Variants in RRAS2 observed in about 807,000 individuals in gnomAD.
The protein encoded by RRAS2 is RAS related 2, also known as ras-related protein R-Ras2.
In RRAS2, 7 loss-of-function variants were observed where a neutral mutation model predicts 27.6. The ratio of observed to expected loss-of-function variants is 0.25; its 90% confidence interval spans 0.14 to 0.48. RRAS2 has a LOEUF of 0.48. RRAS2 is among the 20% of genes least tolerant of loss of function. The pLI is 0.99. For missense variants in RRAS2, 178 were observed against 256.2 expected (o/e 0.69, Z 2.08); for synonymous variants, 86 against 90.9 (o/e 0.95, Z 0.31).
intron 4 of RRAS2, among the ~76,000 whole-genome samples, chr11:14,290,399 A>C (rs902808186): frequency 4.6e-5 from 7 of 152,200 alleles, no homozygotes; most frequent in African/African-American, 1.7e-4. Context: ...CAGTGAGCGG[A>C]GATCGTGCCA....
intron 1 of RRAS2, among the ~76,000 whole-genome samples, chr11:14,298,909 A>G (rs1379283744): frequency 6.6e-6 from 1 of 152,182 alleles, no homozygotes; most frequent in African/African-American, 2.4e-5. Flanking sequence ...TTTTTGTTAA[A>G]CTTGGGTACC....
At chr11:14,309,329 T>C (rs2133981117) in intron 1 of RRAS2, among the ~76,000 whole-genome samples, 2 of 152,324 alleles carry the variant, frequency 1.3e-5, no homozygotes, top group South Asian at 4.1e-4. Flanking sequence ...TTCCCTAGGC[T>C]CACTCACCAC....
intron 1 of RRAS2, among the ~76,000 whole-genome samples, chr11:14,302,991 CTA>C (rs1847751648): frequency 6.6e-6 from 1 of 152,210 alleles, no homozygotes. Context: ...TAAAAATACT[CTA>C]TGTCTATGTA....
intron 1 of RRAS2, among the ~76,000 whole-genome samples, chr11:14,343,236 A>T (rs1412337616): frequency 6.6e-6 from 1 of 152,256 alleles, no homozygotes; most frequent in Non-Finnish European, 1.5e-5. Context: ...TGATTTGAGG[A>T]AGGAGACAAA....
intron 1 of RRAS2, among the ~76,000 whole-genome samples, chr11:14,302,909 C>T (rs1368632733): frequency 6.6e-6 from 1 of 152,208 alleles, no homozygotes. Context: ...GCTCACTTAA[C>T]CTGTTTGAAC....
At chr11:14,336,137 C>T (rs1848584439) in intron 1 of RRAS2, among the ~76,000 whole-genome samples, 1 of 152,178 alleles carries the variant, frequency 6.6e-6, no homozygotes, top group Non-Finnish European at 1.5e-5. Context: ...CAATGGACTT[C>T]CATCCCCACC....
intron 4 of RRAS2, among the ~76,000 whole-genome samples, chr11:14,287,775 G>A (rs921851245): frequency 2.6e-5 from 4 of 151,454 alleles, no homozygotes; most frequent in Non-Finnish European, 5.9e-5. Context: ...GGGAGGCTGA[G>A]GCAGGAGAAT....
At chr11:14,362,575 A>C (rs943744124), upstream of RRAS2, among the ~76,000 whole-genome samples, 2 of 152,258 alleles carry the variant, frequency 1.3e-5, no homozygotes, top group East Asian at 3.8e-4. Flanking sequence ...TTTCAACTTA[A>C]TCTGAAAAGT....
intron 1 of RRAS2, among the ~76,000 whole-genome samples, chr11:14,340,751 A>G (rs1554953161): frequency 6.6e-6 from 1 of 152,156 alleles, no homozygotes; most frequent in African/African-American, 2.4e-5. Context: ...AAAAGGATAT[A>G]ATCCAAACCT....
chr11:14,352,781 G>GGGAGAGAGA, intron 1 of RRAS2, among the ~76,000 whole-genome samples: 2 of 129,114 alleles, frequency 1.5e-5, no homozygotes, highest in South Asian at 5.3e-4. Flanking sequence ...AGAGAGAGAG[G>GGGAGAGAGA]GAGAGAGAGA....
In RRAS2 at chr11:14,339,298, G is replaced by C. The variant is rs1462422907; in HGVS notation, c.108+19465C>G. Among the ~76,000 whole-genome samples, 7 of 131,266 alleles carry C rather than the reference G, an allele frequency of 5.3e-5. No individual in the cohort carries two copies. The East Asian group carries it at 7.7e-4, about 14-fold the overall frequency. 86.1% of individuals were successfully genotyped at this position (131,266 alleles called of 152,430 possible). On this transcript the variant is annotated intron_variant, in intron 1 of 5. Coordinates refer to ENST00000256196, the MANE Select transcript of RRAS2 (RefSeq NM_012250.6). ...CTACCAAAAAAAAAAAAAAAAGGGGGGGGGGGGAAGAAAAAATCTATAATA... is the reference window on the plus strand; with the variant it reads ...CTACCAAAAAAAAAAAAAAAAGGGGCGGGGGGGAAGAAAAAATCTATAATA...
intron 1 of RRAS2, among the ~76,000 whole-genome samples, chr11:14,327,814 G>GGA (rs1554951236): frequency 2.6e-5 from 4 of 152,002 alleles, no homozygotes; most frequent in East Asian, 1.9e-4. Flanking sequence ...ACTCAATAGA[G>GGA]AAAAAAAATT....
chr11:14,316,819 A>C (rs1357303652), intron 1 of RRAS2, among the ~76,000 whole-genome samples: 1 of 152,220 alleles, frequency 6.6e-6, no homozygotes, highest in Non-Finnish European at 1.5e-5. Context: ...AAATTGTTAC[A>C]TTGTAATTCA....
At chr11:14,321,428 AAG>A (rs1848220519) in intron 1 of RRAS2, among the ~76,000 whole-genome samples, 1 of 152,096 alleles carries the variant, frequency 6.6e-6, no homozygotes, top group Non-Finnish European at 1.5e-5. Context: ...AAAACTTCTG[AAG>A]TTCTTGTATA....
chr11:14,303,951 C>G (rs1313046167), intron 1 of RRAS2, among the ~76,000 whole-genome samples: 1 of 152,194 alleles, frequency 6.6e-6, no homozygotes, highest in Non-Finnish European at 1.5e-5. Flanking sequence ...AACTCCAACC[C>G]TCCACCTCTG....
chr11:14,303,537 G>A (rs1437040440), intron 1 of RRAS2, among the ~76,000 whole-genome samples: 1 of 152,170 alleles, frequency 6.6e-6, no homozygotes, highest in Non-Finnish European at 1.5e-5. Flanking sequence ...AGGAGTTTGA[G>A]ACCGGCCTCA....
At position 14,358,947 on chromosome 11, in the gene RRAS2, T is replaced by TGCGGCCGGCGGGCTGCGGGCGA. The variant is rs1849143372; in HGVS notation, c.-99_-78dup. ...CCCTAGGCCCGGCTCCGGGGACGTGTGCGGCCGGCGGGCTGCGGGCGAGCG... is the reference window on the plus strand; with the variant it reads ...CCCTAGGCCCGGCTCCGGGGACGTGTGCGGCCGGCGGGCTGCGGGCGAGCGGCCGGCGGGCTGCGGGCGAGCG... On this transcript the variant is annotated 5_prime_UTR_variant, in exon 1 of 6. Coordinates refer to ENST00000256196, the MANE Select transcript of RRAS2 (RefSeq NM_012250.6). The surrounding 1 kb of genome is among the most constrained non-coding windows in gnomAD (Gnocchi z 5.1). 2 of 1,172,738 alleles carry TGCGGCCGGCGGGCTGCGGGCGA rather than the reference T, an allele frequency of 1.7e-6. No individual in the cohort carries two copies. The highest frequency in any genetic ancestry group is 2.1e-6 in the Non-Finnish European group (2 of 950,722). The allele number at this position is 1,172,738 out of a possible 1,614,324, so 72.6% of individuals were successfully genotyped here. A position where few individuals can be genotyped will look rare whatever the true frequency, so the allele number is the denominator to read the frequency against.
At chr11:14,316,919 T>A (rs1848120721) in intron 1 of RRAS2, among the ~76,000 whole-genome samples, 1 of 152,156 alleles carries the variant, frequency 6.6e-6, no homozygotes, top group African/African-American at 2.4e-5. Context: ...CTACTTATAG[T>A]CAAGTAGGAG....
At chr11:14,314,462 T>C (rs1403914492) in intron 1 of RRAS2, among the ~76,000 whole-genome samples, 2 of 152,156 alleles carry the variant, frequency 1.3e-5, no homozygotes, top group Admixed American at 6.5e-5. Flanking sequence ...AGAAAAGCAA[T>C]AAATGCAGAA....
Sources: gnomAD v4.1 joint callset for allele counts (sites outside exome capture counted in the v4.1 genomes callset) on GRCh38, gnomAD v4.1.1 for gene constraint, Gnocchi (gnomAD v3.1) non-coding constraint, MANE v1.5 for transcripts, NCBI Gene and HGNC (gene_info 2026-07-23, HGNC 2026-07-21) for gene names.